The following IGF1R variants were observed in gnomAD, a reference collection of about 807,000 sequenced individuals.
The protein encoded by IGF1R is insulin-like growth factor 1 receptor.
A neutral mutation model predicts 144.6 loss-of-function variants in IGF1R; 44 were observed. That is an observed-to-expected ratio of 0.30 (90% CI 0.24 to 0.39). The LOEUF is 0.39. Among genes scored for constraint, IGF1R ranks in the 10% least tolerant of loss-of-function variants. The probability of loss-of-function intolerance (pLI) is 1.00; values close to 1 mark genes in which losing one functional copy is unlikely to be tolerated. For synonymous variants in IGF1R, 795 were observed against 722.8 expected, an observed-to-expected ratio of 1.10 and a Z score of -1.60; for missense variants, 1,355 against 1,833.7, an observed-to-expected ratio of 0.74 and a Z score of 4.77.
At chr15:98,758,384 G>T (rs2055210602) in intron 2 of IGF1R, among the ~76,000 whole-genome samples, 1 of 152,080 alleles carries the variant, frequency 6.6e-6, no homozygotes, top group African/African-American at 2.4e-5. Context: ...GTCGTCCTCA[G>T]TGGGTCATGG....
At chr15:98,823,775 C>T (rs528798917) in intron 2 of IGF1R, among the ~76,000 whole-genome samples, 2 of 152,244 alleles carry the variant, frequency 1.3e-5, no homozygotes, top group South Asian at 4.1e-4. Flanking sequence ...CTGCCACCCC[C>T]ATTTTCTGTT....
chr15:98,685,925 A>T (rs573850807), intron 1 of IGF1R, among the ~76,000 whole-genome samples: 1 of 152,232 alleles, frequency 6.6e-6, no homozygotes, highest in Non-Finnish European at 1.5e-5. Context: ...TTTTAAATGT[A>T]CGAGTTCAGT....
intron 2 of IGF1R, among the ~76,000 whole-genome samples, chr15:98,724,821 G>T (rs1232111747): frequency 6.6e-6 from 1 of 152,220 alleles, no homozygotes; most frequent in Non-Finnish European, 1.5e-5. Context: ...GACCTGTGCA[G>T]TACCTGTGGA....
intron 2 of IGF1R, among the ~76,000 whole-genome samples, chr15:98,823,724 C>T (rs2056842086): frequency 6.6e-6 from 1 of 152,144 alleles, no homozygotes; most frequent in South Asian, 2.1e-4. Context: ...GCTTAGTAAC[C>T]ATAACTTCTT....
rs1389069904 is a variant in IGF1R at position 98,891,679 on chromosome 15, C to T, written c.953+42C>T. ...CGTGTGGTCACTACCCGCCCCACCT[C>T]ACCCGCCACCCTAGCACACAAAGGT... On this transcript the variant is annotated intron_variant, in intron 3 of 20. Coordinates refer to ENST00000650285, the MANE Select transcript of IGF1R (RefSeq NM_000875.5). This position sits in a 1 kb window ranked among gnomAD's most constrained non-coding sequence, Gnocchi z 4.7. The T allele has an allele frequency of 6.4e-7, 1 of 1,567,276 alleles. No homozygotes were observed. The highest frequency in any genetic ancestry group is 8.7e-7 in the Non-Finnish European group (1 of 1,152,974).
chr15:98,857,616 G>A (rs932970828), intron 2 of IGF1R, among the ~76,000 whole-genome samples: 1 of 152,372 alleles, frequency 6.6e-6, no homozygotes, highest in South Asian at 2.1e-4. Context: ...ATGATGGACT[G>A]TTCTGTGGAT....
intron 1 of IGF1R, among the ~76,000 whole-genome samples, chr15:98,669,383 G>T (rs1267853324): frequency 6.6e-6 from 1 of 152,106 alleles, no homozygotes; most frequent in Non-Finnish European, 1.5e-5. Flanking sequence ...TTTGAATTTT[G>T]CATGCCAGTT....
chr15:98,964,125 C>T lies in IGF1R; in HGVS notation c.*6683C>T, dbSNP rs1439235066. On this transcript the variant is annotated 3_prime_UTR_variant, in exon 21 of 21. Transcript: ENST00000650285. ...TGTCTACCTCTGGGTATCCCTTTGT[C>T]TGGGATAAAAAAAATCAAACCAGAA... 4.3e-6 allele frequency: 1 copy of T among 232,314 alleles called. No individual in the cohort carries two copies. The highest frequency in any genetic ancestry group is 8.5e-6 in the Non-Finnish European group (1 of 117,638). 14.4% of individuals were successfully genotyped at this position (232,314 alleles called of 1,614,324 possible). A position where few individuals can be genotyped will look rare whatever the true frequency, so the allele number is the denominator to read the frequency against.
intron 1 of IGF1R, among the ~76,000 whole-genome samples, chr15:98,686,564 T>C (rs2311769): frequency 0.58 from 88,020 of 152,096 alleles, 27,439 homozygotes; most frequent in East Asian, 0.69. Context: ...TTATTTATTT[T>C]TTTAAATTTT....
Position 98,963,462 on chromosome 15 carries a change from T to G in IGF1R, c.*6020T>G, listed in dbSNP as rs1211245296. 1 of 233,176 alleles carries G rather than the reference T, an allele frequency of 4.3e-6. No individual in the cohort carries two copies. The highest frequency in any genetic ancestry group is 2.2e-5 in the African/African-American group (1 of 45,340). The allele number at this position is 233,176 out of a possible 1,614,324, so 14.4% of individuals were successfully genotyped here. A position where few individuals can be genotyped will look rare whatever the true frequency, so the allele number is the denominator to read the frequency against. ...TCATTTCCCTTTGGAGTGTAGCTAC[T>G]TTAACAGATGGAAAGAACCTCATTG... On this transcript the variant is annotated 3_prime_UTR_variant, in exon 21 of 21. Transcript: ENST00000650285.
At chr15:98,767,205 CAGTA>C (rs2055456255) in intron 2 of IGF1R, among the ~76,000 whole-genome samples, 1 of 151,834 alleles carries the variant, frequency 6.6e-6, no homozygotes. Flanking sequence ...TGTAATCTCT[CAGTA>C]AGCGTACTGG....
At chr15:98,791,839 A>G (rs900191142) in intron 2 of IGF1R, among the ~76,000 whole-genome samples, 12 of 152,244 alleles carry the variant, frequency 7.9e-5, no homozygotes, top group African/African-American at 2.9e-4. Flanking sequence ...GTTATTTCAC[A>G]TAAATACAGA....
chr15:98,799,558 G>A (rs189032277), intron 2 of IGF1R, among the ~76,000 whole-genome samples: 1 of 152,268 alleles, frequency 6.6e-6, no homozygotes, highest in African/African-American at 2.4e-5. Context: ...CATGTATTTC[G>A]CAAGATTCAT....
intron 2 of IGF1R, among the ~76,000 whole-genome samples, chr15:98,727,693 T>G (rs2054394145): frequency 6.6e-6 from 1 of 152,170 alleles, no homozygotes; most frequent in African/African-American, 2.4e-5. Context: ...CAGGTCTTCT[T>G]CTGCTGGTCG....
chr15:98,665,230 C>A (rs547576883), intron 1 of IGF1R, among the ~76,000 whole-genome samples: 1 of 152,238 alleles, frequency 6.6e-6, no homozygotes, highest in South Asian at 2.1e-4. Context: ...GGATTAAAGG[C>A]GTGAGCCACC....
At chr15:98,885,016 G>A (rs1304613105) in intron 2 of IGF1R, among the ~76,000 whole-genome samples, 1 of 151,988 alleles carries the variant, frequency 6.6e-6, no homozygotes, top group Non-Finnish European at 1.5e-5. Flanking sequence ...GCTTCTCTTG[G>A]CCCGCACTCT....
chr15:98,867,372 A>G (rs2012511608), intron 2 of IGF1R, among the ~76,000 whole-genome samples: 1 of 152,222 alleles, frequency 6.6e-6, no homozygotes, highest in African/African-American at 2.4e-5. Context: ...ATATATTAAT[A>G]TGAGTAGTGA....
At chr15:98,857,016 A>AT (rs940114384) in intron 2 of IGF1R, among the ~76,000 whole-genome samples, 97 of 145,946 alleles carry the variant, frequency 6.6e-4, no homozygotes, top group Middle Eastern at 3.6e-3. Flanking sequence ...TGGGTGAGAG[A>AT]TTTTTTTTTT....
In IGF1R at chr15:98,648,885, GCGGGCGGCGGCGCAGAGC is replaced by G. The variant is rs1460649795; in HGVS notation, c.-687_-670del. 1 of 145,862 alleles carries G rather than the reference GCGGGCGGCGGCGCAGAGC, an allele frequency of 6.9e-6. No individual in the cohort carries two copies. Among genetic ancestry groups the G allele is most frequent in the Non-Finnish European group, 1.5e-5 (1 of 65,580 alleles). 9.0% of individuals were successfully genotyped at this position (145,862 alleles called of 1,614,324 possible). A position where few individuals can be genotyped will look rare whatever the true frequency, so the allele number is the denominator to read the frequency against. The stretch of plus-strand genomic sequence containing the variant: ...GGGGCCGGGCGGGGGCCGGCGCGGG[GCGGGCGGCGGCGCAGAGC>G]CGGGCGGCGCGGCGGGAGTGCTGAG... On this transcript the variant is annotated 5_prime_UTR_variant, in exon 1 of 21. Transcript: ENST00000650285.
Sources: allele counts gnomAD v4.1 joint callset (sites outside exome capture counted in the v4.1 genomes callset), GRCh38; gene constraint gnomAD v4.1.1; non-coding constraint Gnocchi (gnomAD v3.1); transcripts MANE v1.5; gene names NCBI Gene and HGNC (gene_info 2026-07-23, HGNC 2026-07-21).